The following PLCG1 variants were observed in gnomAD, a reference collection of about 807,000 sequenced individuals.
PLCG1 encodes the protein phospholipase C gamma 1, also known as 1-phosphatidylinositol 4,5-bisphosphate phosphodiesterase gamma-1.
PLCG1 carries 71 observed loss-of-function variants against 177.8 expected under a neutral mutation model. That is an observed-to-expected ratio of 0.40 (90% CI 0.33 to 0.49). The LOEUF (loss-of-function observed/expected upper bound fraction) is 0.49, where lower values mean the gene tolerates loss of function less well. Ranked by LOEUF, PLCG1 falls within the 20% of genes least tolerant of loss-of-function variation. The pLI, the probability that PLCG1 is intolerant of heterozygous loss-of-function variation, is 0.72. For missense variants in PLCG1, 1,281 were observed against 1,709.0 expected (o/e 0.75, Z 4.42); for synonymous variants, 658 against 647.9 (o/e 1.02, Z -0.24).
At position 41,137,624 on chromosome 20, in the gene PLCG1, G is replaced by T. The variant is rs2034640021; in HGVS notation, c.-18G>T. ...GGCGGTCCTGGCCTGTGCCGCCGCC[G>T]CCCCCAGCGTCGGAGCCATGGCGGG... On this transcript the variant is annotated 5_prime_UTR_variant, in exon 1 of 32. Transcript: ENST00000685551. This position sits in a 1 kb window ranked among gnomAD's most constrained non-coding sequence, Gnocchi z 7.3. 1 of 1,311,366 alleles carries T rather than the reference G, an allele frequency of 7.6e-7. No individual in the cohort carries two copies. The highest frequency in any genetic ancestry group is 4.1e-5 in the Admixed American group (1 of 24,196). 81.2% of individuals were successfully genotyped at this position (1,311,366 alleles called of 1,614,324 possible). A position where few individuals can be genotyped will look rare whatever the true frequency, so the allele number is the denominator to read the frequency against.
In PLCG1 at chr20:41,174,125, A is replaced by C; in HGVS notation, c.3647A>C (p.Gln1216Pro). 6.2e-7 allele frequency: 1 copy of C among 1,612,772 alleles called. No homozygotes were observed. Among genetic ancestry groups the C allele is most frequent in the Non-Finnish European group, 8.5e-7 (1 of 1,178,886 alleles). ...CTTGTGCACCTGGCTTCGTTGAAGC[A>C]GGAGAATGGTGACCTCAGTCCCTTC... Reference protein sequence around the residue: ...LIKIDIFPAKQENGDLSPFSG... With the variant: ...LIKIDIFPAKPENGDLSPFSG... The change falls in exon 31 of 32, where the codon CAG (glutamine) becomes CCG (proline). Residue 1216 changes from glutamine (Q) to proline (P), a missense_variant and splice_region_variant. Gln to Pro is a moderately conservative substitution (Grantham distance 76). This residue lies in a region of PLCG1 where 153 missense variants were observed against 153.2 expected (regional missense o/e 1.00). Coordinates refer to ENST00000685551, the MANE Select transcript of PLCG1 (RefSeq NM_002660.3). The surrounding 1 kb of genome is among the most constrained non-coding windows in gnomAD (Gnocchi z 5.8).
At chr20:41,169,303 C>CTGT in intron 22 of PLCG1, 128 bp downstream of exon 22, 1 of 916,654 alleles carries the variant, frequency 1.1e-6, no homozygotes, top group Non-Finnish European at 1.8e-6. Flanking sequence ...GTCGCACAGC[C>CTGT]CATGTGGCCA....
chr20:41,158,874 AT>A (rs2035404019), intron 1 of PLCG1, among the ~76,000 whole-genome samples: 2 of 152,344 alleles, frequency 1.3e-5, no homozygotes, highest in South Asian at 4.1e-4. Context: ...TAAATTATTC[AT>A]CATTGCCTCA....
In PLCG1 at chr20:41,172,697, G is replaced by C. The variant is rs2035941397; in HGVS notation, c.3131-32G>C. On this transcript the variant is annotated intron_variant, in intron 26 of 31. Transcript: ENST00000685551. The surrounding 1 kb of genome is among the most constrained non-coding windows in gnomAD (Gnocchi z 7.0). ...GAGGAGGGGCACTGTGGGGCAGCTG[G>C]ACTGGAATACACCATAATCTGCCTC... 1.9e-6 allele frequency: 3 copies of C among 1,612,928 alleles called. No homozygotes were observed. The highest frequency in any genetic ancestry group is 2.5e-6 in the Non-Finnish European group (3 of 1,179,172).
intron 24 of PLCG1, among the ~76,000 whole-genome samples, chr20:41,171,586 C>CAAAAAAAA (rs71844995): frequency 1.6e-5 from 1 of 64,110 alleles, no homozygotes; most frequent in Non-Finnish European, 2.9e-5. Context: ...GACTCTGTCT[C>CAAAAAAAA]AAAAAAAAAA....
rs1206303040 is a variant in PLCG1, at chr20:41,167,745, G to C, written c.2302-107G>C. On this transcript the variant is annotated intron_variant, in intron 19 of 31. Coordinates refer to ENST00000685551, the MANE Select transcript of PLCG1 (RefSeq NM_002660.3). This position sits in a 1 kb window ranked among gnomAD's most constrained non-coding sequence, Gnocchi z 4.4. ...GTCGAAGGATCCCTGTGGATCAGGT[G>C]CAAGTTTGCTGCACTGGGGGAAAGG... 5 of 770,752 alleles carry C rather than the reference G, an allele frequency of 6.5e-6. No individual in the cohort carries two copies. In the East Asian group the frequency reaches 7.8e-5, roughly 12 times the overall value. The allele number at this position is 770,752 out of a possible 1,614,324, so 47.7% of individuals were successfully genotyped here. A position where few individuals can be genotyped will look rare whatever the true frequency, so the allele number is the denominator to read the frequency against.
chr20:41,167,713 T>TA lies in PLCG1; in HGVS notation c.2302-138dup. The TA allele has an allele frequency of 1.5e-6, 1 of 665,606 alleles. No homozygotes were observed. Among genetic ancestry groups the TA allele is most frequent in the Non-Finnish European group, 2.7e-6 (1 of 366,098 alleles). 41.2% of individuals were successfully genotyped at this position (665,606 alleles called of 1,614,324 possible). ...GGCCTGAGGCCTCTGAAGCCGTCTC[T>TA]ACTGAGGTCGAAGGATCCCTGTGGA... On this transcript the variant is annotated intron_variant, in intron 19 of 31. Coordinates refer to ENST00000685551, the MANE Select transcript of PLCG1 (RefSeq NM_002660.3). The surrounding 1 kb of genome is among the most constrained non-coding windows in gnomAD (Gnocchi z 4.4).
chr20:41,144,245 C>A lies in PLCG1; in HGVS notation c.217+6387C>A, dbSNP rs1600632844. Among the ~76,000 whole-genome samples, 1 of 152,174 alleles carries A rather than the reference C, an allele frequency of 6.6e-6. No individual in the cohort carries two copies. Among genetic ancestry groups the A allele is most frequent in the East Asian group, 1.9e-4 (1 of 5,204 alleles). The stretch of plus-strand genomic sequence containing the variant: ...TCACATAGCAAGTTCATGGCAGATC[C>A]TAGGATTTCAGATTCCTGCTATAGT... On this transcript the variant is annotated intron_variant, in intron 1 of 31. Transcript: ENST00000685551. The surrounding 1 kb of genome is among the most constrained non-coding windows in gnomAD (Gnocchi z 4.1).
At chr20:41,162,595 C>G (rs1568743446) in intron 5 of PLCG1, 47 bp from the exon 6 acceptor site, 1 of 1,607,302 alleles carries the variant, frequency 6.2e-7, no homozygotes, top group Non-Finnish European at 8.5e-7. Flanking sequence ...AGCCCTTCAG[C>G]TGGGGGCCTG....
intron 24 of PLCG1, chr20:41,170,485 G>A (rs1432524820): frequency 5.4e-6 from 3 of 557,208 alleles, no homozygotes; most frequent in Non-Finnish European, 9.6e-6. Context: ...AGATACTGAT[G>A]GGTCGTTGAA....
rs758728704 is a variant in PLCG1 at position 41,172,432 on chromosome 20, G to C, written c.2917G>C (p.Glu973Gln). Residue 973 changes from glutamate to glutamine, a missense_variant, in exon 26 of 32, where the codon GAA becomes CAA. Physicochemically the swap from Glu to Gln is conservative, Grantham distance 29. This residue lies in a region of PLCG1 where 723 missense variants were observed against 1,030.0 expected (regional missense o/e 0.70). Coordinates refer to ENST00000685551, the MANE Select transcript of PLCG1 (RefSeq NM_002660.3). This position sits in a 1 kb window ranked among gnomAD's most constrained non-coding sequence, Gnocchi z 7.0. ...CCTGTTTGGCCCAGAGATTGGCACA[G>C]AACGTGCTTGCTACCGGGACATGTC... ...VPFDEEKIGT[E>Q]RACYRDMSSF... is the part of the protein sequence containing the mutation. 1 of 1,613,994 alleles carries C rather than the reference G, an allele frequency of 6.2e-7. No homozygotes were observed.
chr20:41,163,192 T>TCTC lies in PLCG1; in HGVS notation c.717-9_717-7dup, dbSNP rs2035570385. 1.3e-6 allele frequency: 2 copies of TCTC among 1,544,304 alleles called. No individual in the cohort carries two copies. The highest frequency in any genetic ancestry group is 2.8e-5 in the African/African-American group (2 of 72,494). On this transcript the variant is annotated splice_polypyrimidine_tract_variant and intron_variant, in intron 7 of 31. Transcript: ENST00000685551. This position sits in a 1 kb window ranked among gnomAD's most constrained non-coding sequence, Gnocchi z 5.2. ...TGACCATACTAGCTAGCTTACCTTCTCTCCCTGCAGGGCTGGGGAGCGGCC... is the reference window on the plus strand; with the variant it reads ...TGACCATACTAGCTAGCTTACCTTCTCTCCTCCCTGCAGGGCTGGGGAGCGGCC...
In PLCG1 at chr20:41,165,262, G is replaced by A. The variant is rs2035642886; in HGVS notation, c.1404G>A (p.Glu468=). The A allele has an allele frequency of 8.7e-6, 14 of 1,614,124 alleles. No homozygotes were observed. Among genetic ancestry groups the A allele is most frequent in the Non-Finnish European group, 1.2e-5 (14 of 1,180,022 alleles). Residue 468 remains glutamate (E), a synonymous_variant, in exon 14 of 32, where the codon GAG becomes GAA. Transcript: ENST00000685551. The surrounding 1 kb of genome is among the most constrained non-coding windows in gnomAD (Gnocchi z 6.6). ...KILIKHKKLA[E]GSAYEEVPTS... ...CCCTACAGCACAAGAAGCTGGCTGAGGGCAGTGCCTACGAGGAGGTGCCTA... is the reference window on the plus strand; with the variant it reads ...CCCTACAGCACAAGAAGCTGGCTGAAGGCAGTGCCTACGAGGAGGTGCCTA...
In PLCG1 at chr20:41,165,893, G is replaced by C; in HGVS notation, c.1799+67G>C. The C allele has an allele frequency of 2.3e-6, 3 of 1,291,026 alleles. No individual in the cohort carries two copies. Among genetic ancestry groups the C allele is most frequent in the Non-Finnish European group, 3.2e-6 (3 of 931,016 alleles). 80.0% of individuals were successfully genotyped at this position (1,291,026 alleles called of 1,614,324 possible). ...GTACACAGACATCACATCACCCAGAGATAATCAGTTAACATTTGAGCCTTT... is the reference window on the plus strand; with the variant it reads ...GTACACAGACATCACATCACCCAGACATAATCAGTTAACATTTGAGCCTTT... On this transcript the variant is annotated intron_variant, in intron 16 of 31. Transcript: ENST00000685551. This position sits in a 1 kb window ranked among gnomAD's most constrained non-coding sequence, Gnocchi z 6.6.
chr20:41,163,170 C>A lies in PLCG1; in HGVS notation c.717-33C>A. On this transcript the variant is annotated intron_variant, in intron 7 of 31. Transcript: ENST00000685551. This position sits in a 1 kb window ranked among gnomAD's most constrained non-coding sequence, Gnocchi z 5.2. ...CGTGGGGCACCTTGTTGTCTGTTGA[C>A]CATACTAGCTAGCTTACCTTCTCTC... is the stretch of plus-strand genomic sequence containing the variant. The A allele has an allele frequency of 1.9e-6, 3 of 1,550,292 alleles. No homozygotes were observed. Among genetic ancestry groups the A allele is most frequent in the Non-Finnish European group, 2.6e-6 (3 of 1,146,878 alleles).
rs1218905484 is a variant in PLCG1 at position 41,165,514 on chromosome 20, G to T, written c.1574G>T (p.Ser525Ile). The change falls in exon 15 of 32, where the codon AGT (serine) becomes ATT (isoleucine). Residue 525 changes from serine (S) to isoleucine (I), a missense_variant. By Grantham distance (142) the Ser-to-Ile change is moderately radical. Coordinates refer to ENST00000685551, the MANE Select transcript of PLCG1 (RefSeq NM_002660.3). This position sits in a 1 kb window ranked among gnomAD's most constrained non-coding sequence, Gnocchi z 6.6. Reference sequence around the variant, plus strand: ...ATCTACTACTCTGAGGAGACCAGCAGTGACCAGGGCAACGAGGATGAGGAG... The same window carrying T: ...ATCTACTACTCTGAGGAGACCAGCATTGACCAGGGCAACGAGGATGAGGAG... ...SKIYYSEETS[S>I]DQGNEDEEEP... The T allele has an allele frequency of 6.2e-6, 10 of 1,613,934 alleles. No individual in the cohort carries two copies. In the Admixed American group the frequency reaches 1.2e-4, roughly 19 times the overall value.
Position 41,165,032 on chromosome 20 carries a change from C to T in PLCG1, c.1317C>T (p.Thr439=). The T allele has an allele frequency of 1.9e-6, 3 of 1,614,208 alleles. No homozygotes were observed. Among genetic ancestry groups the T allele is most frequent in the Non-Finnish European group, 2.5e-6 (3 of 1,180,036 alleles). ...AGGTGCTGGGGGACACACTCCTCAC[C>T]AAGCCCGTGGAGATCTCTGCCGACG... ...FKKVLGDTLL[T]KPVEISADGL... is the part of the protein sequence containing the mutation. Residue 439 remains threonine (T), a synonymous_variant, in exon 13 of 32, where the codon ACC becomes ACT. Transcript: ENST00000685551. This position sits in a 1 kb window ranked among gnomAD's most constrained non-coding sequence, Gnocchi z 6.6.
chr20:41,148,484 G>C lies in PLCG1; in HGVS notation c.217+10626G>C, dbSNP rs936783822. Among the ~76,000 whole-genome samples, 4 of 151,940 alleles carry C rather than the reference G, an allele frequency of 2.6e-5. No individual in the cohort carries two copies. The highest frequency in any genetic ancestry group is 4.4e-5 in the Non-Finnish European group (3 of 68,026). On this transcript the variant is annotated intron_variant, in intron 1 of 31. Transcript: ENST00000685551. This position sits in a 1 kb window ranked among gnomAD's most constrained non-coding sequence, Gnocchi z 4.3. ...TTGTGAGAGGGCTCTGCAGAGACAG[G>C]GCAGCAGAGAGAGACTTGGAGATAT...
Position 41,153,133 on chromosome 20 carries a change from CT to C in PLCG1, c.218-6470del, listed in dbSNP as rs1568733821. On this transcript the variant is annotated intron_variant, in intron 1 of 31. Transcript: ENST00000685551. This position sits in a 1 kb window ranked among gnomAD's most constrained non-coding sequence, Gnocchi z 5.1. Reference sequence around the variant, plus strand: ...AATCTTCGCTTACCTCTTTCAAGCTCTTTAGATTTTAAAGAGACCTTTCATA... The same window carrying C: ...AATCTTCGCTTACCTCTTTCAAGCTCTTAGATTTTAAAGAGACCTTTCATA... 6.6e-6 allele frequency among the ~76,000 whole-genome samples: 1 copy of C among 152,162 alleles called. No homozygotes were observed. The highest frequency in any genetic ancestry group is 1.9e-4 in the East Asian group (1 of 5,200).
Sources: allele counts gnomAD v4.1 joint callset (sites outside exome capture counted in the v4.1 genomes callset), GRCh38; gene constraint gnomAD v4.1.1; regional missense constraint gnomAD v4.1.1; non-coding constraint Gnocchi (gnomAD v3.1); transcripts MANE v1.5; gene names NCBI Gene and HGNC (gene_info 2026-07-23, HGNC 2026-07-21).